The following GRID2 variants were observed in gnomAD, a reference collection of about 807,000 sequenced individuals.
GRID2 encodes glutamate ionotropic receptor delta type subunit 2.
Under a neutral mutation model 114.8 loss-of-function variants are expected in GRID2, and 33 were observed. That is an observed-to-expected ratio of 0.29 (90% confidence interval 0.22 to 0.38). The LOEUF (loss-of-function observed/expected upper bound fraction) is 0.38, where lower values mean the gene tolerates loss of function less well. Among genes scored for constraint, GRID2 ranks in the 10% least tolerant of loss-of-function variants. GRID2 has a pLI of 1.00. For synonymous variants in GRID2, 505 were observed against 449.9 expected, an observed-to-expected ratio of 1.12 and a Z score of -1.55; for missense variants, 1,184 against 1,257.7, an observed-to-expected ratio of 0.94 and a Z score of 0.89.
At chr4:92,758,402 G>A (rs546415922) in intron 2 of GRID2, among the ~76,000 whole-genome samples, 5 of 151,556 alleles carry the variant, frequency 3.3e-5, no homozygotes, top group East Asian at 3.9e-4. Context: ...TTTTTGTTAC[G>A]ACAACTATAT....
intron 4 of GRID2, among the ~76,000 whole-genome samples, chr4:93,155,222 G>C (rs534177167): frequency 6.6e-6 from 1 of 151,812 alleles, no homozygotes; most frequent in Non-Finnish European, 1.5e-5. Context: ...TCTTAATTCT[G>C]CTTCCTAAAT....
chr4:93,356,230 A>C (rs1761323285), intron 8 of GRID2, among the ~76,000 whole-genome samples: 1 of 152,054 alleles, frequency 6.6e-6, no homozygotes, highest in African/African-American at 2.4e-5. Context: ...TTACATTTTT[A>C]ATTTTGTCCC....
intron 1 of GRID2, among the ~76,000 whole-genome samples, chr4:92,571,044 T>C (rs1262573306): frequency 6.6e-6 from 1 of 152,096 alleles, no homozygotes; most frequent in African/African-American, 2.4e-5. Context: ...AGGGGAGTGC[T>C]TCCAGTTTTT....
intron 1 of GRID2, among the ~76,000 whole-genome samples, chr4:92,554,516 A>G (rs943727354): frequency 2.0e-5 from 3 of 152,226 alleles, no homozygotes; most frequent in Non-Finnish European, 4.4e-5. Flanking sequence ...ACATGAAAAC[A>G]TATCAGTAAA....
chr4:93,155,139 C>G (rs1021617783), intron 4 of GRID2, among the ~76,000 whole-genome samples: 4 of 151,892 alleles, frequency 2.6e-5, no homozygotes, highest in Non-Finnish European at 4.4e-5. Context: ...TCCTTTTAGA[C>G]TAAACTTGAA....
chr4:92,539,277 A>G (rs901260957), intron 1 of GRID2, among the ~76,000 whole-genome samples: 3 of 152,168 alleles, frequency 2.0e-5, no homozygotes, highest in Non-Finnish European at 2.9e-5. Context: ...GTGTTTAACT[A>G]TCTTAAATTT....
At chr4:93,381,946 A>T (rs1379063517) in intron 8 of GRID2, among the ~76,000 whole-genome samples, 1 of 152,058 alleles carries the variant, frequency 6.6e-6, no homozygotes, top group Non-Finnish European at 1.5e-5. Flanking sequence ...AGTGTTAACA[A>T]ACTCCTCTCA....
intron 2 of GRID2, among the ~76,000 whole-genome samples, chr4:92,776,501 T>G (rs1578176788): frequency 6.6e-6 from 1 of 152,120 alleles, no homozygotes; most frequent in South Asian, 2.1e-4. Flanking sequence ...GGGGAGGGTA[T>G]GTGTGTGAGG....
intron 1 of GRID2, among the ~76,000 whole-genome samples, chr4:92,328,966 A>C (rs1726736966): frequency 6.6e-6 from 1 of 152,020 alleles, no homozygotes; most frequent in African/African-American, 2.4e-5. Context: ...GCTGGAATAA[A>C]TTATTATTTC....
intron 2 of GRID2, among the ~76,000 whole-genome samples, chr4:92,703,617 T>TTATATATATATATATATATATATATATA (rs3971001): frequency 2.8e-5 from 4 of 141,004 alleles, no homozygotes; most frequent in African/African-American, 1.0e-4. Flanking sequence ...AGGAAAAACA[T>TTATATATATATATATATATATATATATA]TATATATATA....
chr4:92,748,919 C>A (rs1166370214), intron 2 of GRID2, among the ~76,000 whole-genome samples: 1 of 151,960 alleles, frequency 6.6e-6, no homozygotes, highest in African/African-American at 2.4e-5. Context: ...CTACCGCAGC[C>A]TCCCACAGTG....
At chr4:93,173,869 G>A (rs1020484543) in intron 4 of GRID2, among the ~76,000 whole-genome samples, 3 of 152,112 alleles carry the variant, frequency 2.0e-5, no homozygotes, top group African/African-American at 7.2e-5. Flanking sequence ...GAGTTCAAGC[G>A]ATCTGCCTGC....
intron 2 of GRID2, among the ~76,000 whole-genome samples, chr4:92,815,098 A>G (rs1740827336): frequency 6.6e-6 from 1 of 152,166 alleles, no homozygotes; most frequent in Admixed American, 6.6e-5. Flanking sequence ...AGAATTTCTT[A>G]CAAGATAGAA....
chr4:92,566,795 C>T (rs1727359008), intron 1 of GRID2, among the ~76,000 whole-genome samples: 1 of 152,028 alleles, frequency 6.6e-6, no homozygotes, highest in Non-Finnish European at 1.5e-5. Context: ...TTTTCAGGCA[C>T]ATATTACAGA....
chr4:93,174,667 G>A (rs996132522), intron 4 of GRID2, among the ~76,000 whole-genome samples: 1 of 152,148 alleles, frequency 6.6e-6, no homozygotes, highest in African/African-American at 2.4e-5. Context: ...TAAGGACACA[G>A]AGAGAAGGTG....
At chr4:92,342,482 A>C (rs1310370244) in intron 1 of GRID2, among the ~76,000 whole-genome samples, 1 of 152,226 alleles carries the variant, frequency 6.6e-6, no homozygotes, top group Non-Finnish European at 1.5e-5. Context: ...TGATCTCATC[A>C]ATGGCTCATT....
At chr4:93,256,206 C>A (rs1021452002) in intron 8 of GRID2, among the ~76,000 whole-genome samples, 1 of 151,748 alleles carries the variant, frequency 6.6e-6, no homozygotes, top group African/African-American at 2.4e-5. Context: ...TTTTTCAAGG[C>A]TTTCCTTTTC....
At position 93,085,296 on chromosome 4, in the gene GRID2, T is replaced by A. The variant is rs967103275; in HGVS notation, c.529+17T>A. The A allele has an allele frequency of 4.4e-6, 7 of 1,589,772 alleles. No homozygotes were observed. The highest frequency in any genetic ancestry group is 5.2e-6 in the Non-Finnish European group (6 of 1,158,574). Reference sequence around the variant, plus strand: ...GTGAATACGGTAAGTGTTTATAATTTGTTTAGGTTTTGTAAGCTGATATTT... The same window carrying A: ...GTGAATACGGTAAGTGTTTATAATTAGTTTAGGTTTTGTAAGCTGATATTT... On this transcript the variant is annotated intron_variant, in intron 3 of 15. Coordinates refer to ENST00000282020, the MANE Select transcript of GRID2 (RefSeq NM_001510.4).
At chr4:93,159,863 G>A (rs548931696) in intron 4 of GRID2, among the ~76,000 whole-genome samples, 1 of 151,666 alleles carries the variant, frequency 6.6e-6, no homozygotes, top group South Asian at 2.1e-4. Context: ...CAAAACTAAA[G>A]TAGAATTAAT....
Sources: allele counts gnomAD v4.1 joint callset (sites outside exome capture counted in the v4.1 genomes callset), GRCh38; gene constraint gnomAD v4.1.1; transcripts MANE v1.5; gene names NCBI Gene and HGNC (gene_info 2026-07-23, HGNC 2026-07-21).